TMIGD2: variants seen among roughly 807,000 people sequenced by gnomAD.
TMIGD2 encodes transmembrane and immunoglobulin domain-containing protein 2.
TMIGD2 carries 18 observed loss-of-function variants against 22.6 expected under a neutral mutation model. That is an observed-to-expected ratio of 0.80 (90% CI 0.55 to 1.18). TMIGD2 has a LOEUF of 1.18. TMIGD2 is among the 50% of genes most tolerant of loss of function. TMIGD2 has a pLI of 0.00. For synonymous variants in TMIGD2, 184 were observed against 154.1 expected (o/e 1.19, Z -1.44); for missense variants, 361 against 378.2 (o/e 0.95, Z 0.38).
At position 4,297,849 on chromosome 19, in the gene TMIGD2, T is replaced by C. The variant is rs1305144390; in HGVS notation, c.406+137A>G. 4 of 1,230,304 alleles carry C rather than the reference T, an allele frequency of 3.3e-6. No homozygotes were observed. The African/African-American group carries it at 7.9e-5, about 24-fold the overall frequency. The allele number at this position is 1,230,304 out of a possible 1,614,324, so 76.2% of individuals were successfully genotyped here. A position where few individuals can be genotyped will look rare whatever the true frequency, so the allele number is the denominator to read the frequency against. Reference sequence around the variant, plus strand: ...CAAGGCCTGGACGACAGAGCAAGACTCTGTCTCTTAAAAAAAAAAAAAAAA... The same window carrying C: ...CAAGGCCTGGACGACAGAGCAAGACCCTGTCTCTTAAAAAAAAAAAAAAAA... On this transcript the variant is annotated intron_variant, in intron 2 of 4. Transcript: ENST00000301272.
At chr19:4,295,906 C>G (rs545288097) in intron 2 of TMIGD2, among the ~76,000 whole-genome samples, 1 of 152,170 alleles carries the variant, frequency 6.6e-6, no homozygotes, top group Admixed American at 6.6e-5. Flanking sequence ...CTGTGCTAAG[C>G]ATTGTTTTGT....
At position 4,294,418 on chromosome 19, in the gene TMIGD2, A is replaced by G. The variant is rs559498540; in HGVS notation, c.562+149T>C. Reference sequence around the variant, plus strand: ...TGCACAGGCTAGGGGCTTTGTCTCTATTTCTGAAAAACATGAGCATAGGAT... The same window carrying G: ...TGCACAGGCTAGGGGCTTTGTCTCTGTTTCTGAAAAACATGAGCATAGGAT... On this transcript the variant is annotated intron_variant, in intron 4 of 4. Coordinates refer to ENST00000301272, the Ensembl canonical transcript of TMIGD2. 104 of 698,958 alleles carry G rather than the reference A, an allele frequency of 1.5e-4. No homozygotes were observed. The South Asian group carries it at 1.8e-3, about 12-fold the overall frequency. The allele number at this position is 698,958 out of a possible 1,614,324, so 43.3% of individuals were successfully genotyped here.
intron 1 of TMIGD2, among the ~76,000 whole-genome samples, chr19:4,300,433 C>T (rs1177243090): frequency 2.8e-5 from 4 of 140,640 alleles, no homozygotes; most frequent in Non-Finnish European, 6.2e-5. Flanking sequence ...GGCATGTACC[C>T]GTAGTCCCAG....
At chr19:4,297,603 T>G (rs1337722109) in intron 2 of TMIGD2, among the ~76,000 whole-genome samples, 2 of 152,172 alleles carry the variant, frequency 1.3e-5, no homozygotes, top group African/African-American at 2.4e-5. Flanking sequence ...AGGCCTGTAA[T>G]CCCAGTACTT....
chr19:4,301,426 T>C (rs1971534512), intron 1 of TMIGD2, among the ~76,000 whole-genome samples: 1 of 152,112 alleles, frequency 6.6e-6, no homozygotes, highest in Non-Finnish European at 1.5e-5. Context: ...CCCAGCACTT[T>C]GGGAGGCCAA....
Position 4,292,607 on chromosome 19 carries a change from C to A in TMIGD2, c.841G>T (p.Glu281Ter). The change falls in exon 5 of 5, where the codon GAG becomes TAG. Residue 281 changes from glutamate (E) to a stop codon, truncating the protein, a stop_gained. Transcript: ENST00000301272. LOFTEE classifies it high-confidence loss of function. ...AGGTCTCCTGGGATCTCTCACTCCT[C>A]TCCCACTTTGGGGAACCCTTTTGGC... 6.2e-6 allele frequency: 10 copies of A among 1,613,140 alleles called. No individual in the cohort carries two copies. Among genetic ancestry groups the A allele is most frequent in the Non-Finnish European group, 8.5e-6 (10 of 1,179,710 alleles).
At chr19:4,293,012 G>A (rs1163542032) in intron 4 of TMIGD2, 127 bp from the exon 5 acceptor site, 12 of 1,390,466 alleles carry the variant, frequency 8.6e-6, no homozygotes, top group Middle Eastern at 1.9e-4. Flanking sequence ...CGCCCAGGCT[G>A]GAGTGCAGTG....
Position 4,297,858 on chromosome 19 carries a change from TAAAAAA to T in TMIGD2, c.406+122_406+127del. 5.7e-6 allele frequency: 6 copies of T among 1,052,062 alleles called. No homozygotes were observed. In the South Asian group the frequency reaches 8.7e-5, roughly 15 times the overall value. The allele number at this position is 1,052,062 out of a possible 1,614,324, so 65.2% of individuals were successfully genotyped here. On this transcript the variant is annotated intron_variant, in intron 2 of 4. Coordinates refer to ENST00000301272, the Ensembl canonical transcript of TMIGD2. ...GACGACAGAGCAAGACTCTGTCTCT[TAAAAAA>T]AAAAAAAAAAGTTTGATATGAAGAA...
At chr19:4,292,451 G>GA (rs1971393100) in exon 5 of TMIGD2, 1 of 817,610 alleles carries the variant, frequency 1.2e-6, no homozygotes, top group East Asian at 2.5e-5. Flanking sequence ...AAGCCAGGCT[G>GA]GTCTCAAACC....
At chr19:4,298,369 C>T (rs372986980) in intron 1 of TMIGD2, 24 bp from the exon 2 acceptor site, 25 of 1,534,776 alleles carry the variant, frequency 1.6e-5, no homozygotes, top group Middle Eastern at 4.2e-4. Flanking sequence ...GAGGTAGAGG[C>T]GACCTTTCTG....
At chr19:4,296,056 C>T (rs1013661713) in intron 2 of TMIGD2, among the ~76,000 whole-genome samples, 2 of 152,126 alleles carry the variant, frequency 1.3e-5, no homozygotes, top group East Asian at 1.9e-4. Context: ...GTAGCTGGGA[C>T]TATGGGTATA....
chr19:4,294,979 A>C (rs549266829), intron 2 of TMIGD2, among the ~76,000 whole-genome samples, 163 bp from the exon 3 acceptor site: 2 of 152,126 alleles, frequency 1.3e-5, no homozygotes, highest in Admixed American at 1.3e-4. Context: ...AATGAGGCTC[A>C]GCAGGACGCG....
intron 4 of TMIGD2, among the ~76,000 whole-genome samples, chr19:4,294,091 C>A: frequency 7.0e-6 from 1 of 142,292 alleles, no homozygotes; most frequent in Non-Finnish European, 1.5e-5. Context: ...TTTTTGAGAC[C>A]GCGTCTTGCT....
intron 1 of TMIGD2, among the ~76,000 whole-genome samples, chr19:4,299,592 G>T (rs7251915): frequency 0.38 from 57,389 of 150,306 alleles, 11,081 homozygotes; most frequent in South Asian, 0.51. Context: ...AGCCTCAGCC[G>T]CTTGGGCTCA....
chr19:4,295,232 G>T lies in TMIGD2; in HGVS notation c.407-416C>A, dbSNP rs1971445911. The stretch of plus-strand genomic sequence containing the variant: ...GCCGAGATCGTGTCACTACGCTCCA[G>T]CCTGGGTGACAGAGCAAGACTCTGC... On this transcript the variant is annotated intron_variant, in intron 2 of 4. Coordinates refer to ENST00000301272, the Ensembl canonical transcript of TMIGD2. Among the ~76,000 whole-genome samples, 4 of 131,748 alleles carry T rather than the reference G, an allele frequency of 3.0e-5. No individual in the cohort carries two copies. In the South Asian group the frequency reaches 9.7e-4, roughly 32 times the overall value. The allele number at this position is 131,748 out of a possible 152,430, so 86.4% of individuals were successfully genotyped here. A position where few individuals can be genotyped will look rare whatever the true frequency, so the allele number is the denominator to read the frequency against.
At chr19:4,299,431 G>A (rs1340620392) in intron 1 of TMIGD2, among the ~76,000 whole-genome samples, 1 of 151,644 alleles carries the variant, frequency 6.6e-6, no homozygotes, top group African/African-American at 2.4e-5. Flanking sequence ...GTAGATGTGA[G>A]CCACTGTGAC....
chr19:4,300,070 G>A (rs193090040), intron 1 of TMIGD2, among the ~76,000 whole-genome samples: 2 of 151,342 alleles, frequency 1.3e-5, no homozygotes, highest in African/African-American at 2.4e-5. Flanking sequence ...AGACCAGCCT[G>A]GCCAACATGG....
intron 2 of TMIGD2, among the ~76,000 whole-genome samples, chr19:4,295,100 A>G (rs1328357671): frequency 6.6e-6 from 1 of 151,662 alleles, no homozygotes; most frequent in African/African-American, 2.4e-5. Context: ...ATCTCTACAA[A>G]AAAATATAAA....
chr19:4,293,495 C>T (rs1477113274), intron 4 of TMIGD2, among the ~76,000 whole-genome samples: 1 of 151,002 alleles, frequency 6.6e-6, no homozygotes, highest in African/African-American at 2.4e-5. Context: ...CTCCTGGCCT[C>T]GTGATTCGCC....
Sources: gnomAD v4.1 joint callset for allele counts (sites outside exome capture counted in the v4.1 genomes callset) on GRCh38, gnomAD v4.1.1 for gene constraint, MANE v1.5 for transcripts, NCBI Gene and HGNC (gene_info 2026-07-23, HGNC 2026-07-21) for gene names.